NPAS3: variants seen among roughly 807,000 people sequenced by gnomAD.
NPAS3 encodes neuronal PAS domain-containing protein 3.
A neutral mutation model predicts 73.1 loss-of-function variants in NPAS3; 14 were observed. That is an observed-to-expected ratio of 0.19 (90% CI 0.13 to 0.30). The LOEUF (loss-of-function observed/expected upper bound fraction) is 0.30. Among genes scored for constraint, NPAS3 ranks in the 10% least tolerant of loss-of-function variants. The pLI is 1.00. For synonymous variants in NPAS3, 620 were observed against 541.5 expected, an observed-to-expected ratio of 1.14 and a Z score of -2.01; for missense variants, 1,096 against 1,250.0, an observed-to-expected ratio of 0.88 and a Z score of 1.86.
At chr14:33,119,426 T>C (rs1316233860) in intron 2 of NPAS3, among the ~76,000 whole-genome samples, 1 of 152,124 alleles carries the variant, frequency 6.6e-6, no homozygotes, top group Non-Finnish European at 1.5e-5. Flanking sequence ...GAAAACAAGA[T>C]AGGAAAACGG....
chr14:33,044,654 G>GTTT (rs11408612), intron 1 of NPAS3, among the ~76,000 whole-genome samples: 3 of 138,560 alleles, frequency 2.2e-5, no homozygotes, highest in East Asian at 2.1e-4. Flanking sequence ...GAGTTAGTTT[G>GTTT]TTTTTTTTTT....
intron 1 of NPAS3, among the ~76,000 whole-genome samples, chr14:32,957,061 A>C (rs1175422038): frequency 6.6e-6 from 1 of 152,190 alleles, no homozygotes; most frequent in Non-Finnish European, 1.5e-5. Flanking sequence ...ATTTGTCCAA[A>C]TTAATTCTGG....
chr14:33,600,608 G>C (rs1054676460), intron 5 of NPAS3, among the ~76,000 whole-genome samples: 2 of 152,172 alleles, frequency 1.3e-5, no homozygotes, highest in African/African-American at 2.4e-5. Flanking sequence ...ACTGAAAATA[G>C]TTTAATTGGC....
intron 3 of NPAS3, among the ~76,000 whole-genome samples, chr14:33,288,142 G>A (rs1179903513): frequency 2.0e-5 from 3 of 152,176 alleles, no homozygotes. Flanking sequence ...TTAGATATCT[G>A]TACAGTTTGG....
chr14:33,798,873 G>T (rs545157078), intron 11 of NPAS3, among the ~76,000 whole-genome samples: 1 of 151,326 alleles, frequency 6.6e-6, no homozygotes, highest in South Asian at 2.1e-4. Context: ...TGGCAGGGTG[G>T]CTCATGCCTG....
chr14:33,798,677 C>T (rs2063585510), intron 11 of NPAS3, among the ~76,000 whole-genome samples: 1 of 152,130 alleles, frequency 6.6e-6, no homozygotes, highest in Non-Finnish European at 1.5e-5. Flanking sequence ...TTGTCCTCCT[C>T]TCCCTAAATT....
chr14:33,502,513 G>A (rs753732170), intron 4 of NPAS3, among the ~76,000 whole-genome samples: 2 of 151,852 alleles, frequency 1.3e-5, no homozygotes, highest in Non-Finnish European at 2.9e-5. Context: ...GACTTCGTGT[G>A]TTTTCTTTCT....
At chr14:33,221,453 G>A (rs1445221768) in intron 3 of NPAS3, among the ~76,000 whole-genome samples, 7 of 152,098 alleles carry the variant, frequency 4.6e-5, no homozygotes, top group Non-Finnish European at 1.0e-4. Context: ...TTTATCTGTA[G>A]TTTTTGTTTG....
intron 3 of NPAS3, among the ~76,000 whole-genome samples, chr14:33,252,352 T>A (rs907718806): frequency 4.6e-5 from 7 of 152,012 alleles, no homozygotes; most frequent in Admixed American, 6.6e-5. Context: ...AAGACTCAAC[T>A]CAGGGTAGAT....
chr14:33,482,046 GA>G (rs988492868), intron 4 of NPAS3, among the ~76,000 whole-genome samples: 19 of 145,314 alleles, frequency 1.3e-4, no homozygotes, highest in Admixed American at 9.6e-4. Flanking sequence ...CATGAACTCA[GA>G]AGCAAGTTTT....
chr14:33,729,784 C>T (rs1047473928), intron 6 of NPAS3, among the ~76,000 whole-genome samples: 1 of 152,082 alleles, frequency 6.6e-6, no homozygotes, highest in Non-Finnish European at 1.5e-5. Flanking sequence ...AGCAGGTCAC[C>T]AAGTTTAGCC....
chr14:33,646,560 A>G (rs2140210401), intron 5 of NPAS3, among the ~76,000 whole-genome samples: 1 of 152,342 alleles, frequency 6.6e-6, no homozygotes, highest in South Asian at 2.1e-4. Flanking sequence ...TCATGCACTC[A>G]TGTGATCTCA....
chr14:33,358,775 A>G (rs1010718809), intron 3 of NPAS3, among the ~76,000 whole-genome samples: 5 of 152,206 alleles, frequency 3.3e-5, no homozygotes, highest in Non-Finnish European at 7.3e-5. Flanking sequence ...TTTCCTGTGG[A>G]TACTTTTAGC....
In NPAS3 at chr14:33,373,188, C is replaced by T. The variant is rs149637897; in HGVS notation, c.468+5920C>T. ...GCTTTAATTATTTGTTTACCCTCAG[C>T]AGAAAGGTTTAAGTTTCTTTCATTT... On this transcript the variant is annotated intron_variant, in intron 4 of 11. Coordinates refer to ENST00000356141, the Ensembl canonical transcript of NPAS3. 2.7e-3 allele frequency among the ~76,000 whole-genome samples: 404 copies of T among 152,284 alleles called. 1 individual carries two copies. The highest frequency in any genetic ancestry group is 9.2e-3 in the African/African-American group (382 of 41,568).
At chr14:33,706,806 A>G (rs1442229752) in intron 6 of NPAS3, among the ~76,000 whole-genome samples, 1 of 152,184 alleles carries the variant, frequency 6.6e-6, no homozygotes, top group Non-Finnish European at 1.5e-5. Context: ...GCTAGGAAGC[A>G]GCCCTGAGCA....
intron 3 of NPAS3, among the ~76,000 whole-genome samples, chr14:33,310,785 TATGGTACACACAC>T (rs1222857752): frequency 1.6e-5 from 2 of 123,118 alleles, no homozygotes; most frequent in African/African-American, 6.2e-5. Context: ...GAATGAAATG[TATGGTACACACAC>T]ACACACACAC....
chr14:32,977,514 T>C (rs1451104128), intron 1 of NPAS3, among the ~76,000 whole-genome samples: 1 of 152,176 alleles, frequency 6.6e-6, no homozygotes. Context: ...GGTGGATTTC[T>C]TGAGCCCAGG....
intron 1 of NPAS3, among the ~76,000 whole-genome samples, chr14:33,050,973 G>A (rs1289868203): frequency 1.3e-5 from 2 of 152,200 alleles, no homozygotes; most frequent in African/African-American, 2.4e-5. Flanking sequence ...AGGAAGCTGA[G>A]GTTAAAAGAG....
At chr14:32,996,051 G>T (rs978561681) in intron 1 of NPAS3, among the ~76,000 whole-genome samples, 3 of 152,194 alleles carry the variant, frequency 2.0e-5, no homozygotes, top group African/African-American at 4.8e-5. Flanking sequence ...TACAATTAAG[G>T]TCCAGGCTGA....
Sources: gnomAD v4.1 joint callset for allele counts (sites outside exome capture counted in the v4.1 genomes callset) on GRCh38, gnomAD v4.1.1 for gene constraint, MANE v1.5 for transcripts, NCBI Gene and HGNC (gene_info 2026-07-23, HGNC 2026-07-21) for gene names.